The following AQP7 variants were observed in gnomAD, a reference collection of about 807,000 sequenced individuals.
AQP7 encodes aquaporin-7.
A neutral mutation model predicts 26.1 loss-of-function variants in AQP7; 22 were observed. That is an observed-to-expected ratio of 0.84 (90% CI 0.60 to 1.20). The LOEUF is 1.20. Ranked by LOEUF, AQP7 falls within the 50% of genes most tolerant of loss-of-function variation. The probability of loss-of-function intolerance (pLI) is 0.00; values close to 1 mark genes in which losing one functional copy is unlikely to be tolerated. For missense variants in AQP7, 412 were observed against 457.5 expected (o/e 0.90, Z 0.91); for synonymous variants, 167 against 181.7 (o/e 0.92, Z 0.65).
At chr9:33,387,871 C>T (rs1362828063) in intron 3 of AQP7, among the ~76,000 whole-genome samples, 6 of 152,106 alleles carry the variant, frequency 3.9e-5, no homozygotes, top group African/African-American at 7.2e-5. Flanking sequence ...CAAACTGTCC[C>T]ACCCCTGCCC....
rs116294914 is a variant in AQP7, at chr9:33,385,711, C to T, written c.681G>A (p.Pro227=). ...AGATGCGGGGGGGCAGGTCCCGGGA[C>T]GGGTTGATGGCATATCCTGTGTTCA... The part of the protein sequence containing the change: ...LGMNTGYAIN[P]SRDLPPRIFT... The change falls in exon 7 of 8, where the codon CCG becomes CCA. Residue 227 remains proline (P), a synonymous_variant. Transcript: ENST00000297988. 1.8e-5 allele frequency: 29 copies of T among 1,613,952 alleles called. No individual in the cohort carries two copies. Among genetic ancestry groups the T allele is most frequent in the East Asian group, 4.5e-5 (2 of 44,882 alleles).
chr9:33,385,281 C>G lies in AQP7; in HGVS notation c.753G>C (p.Glu251Asp). 6.2e-7 allele frequency: 1 copy of G among 1,609,624 alleles called. No homozygotes were observed. Among genetic ancestry groups the G allele is most frequent in the Non-Finnish European group, 8.5e-7 (1 of 1,178,562 alleles). ...GWGKQVFSNG[E>D]NWWWVPVVAP... The stretch of plus-strand genomic sequence containing the variant: ...CCACCACTGGCACCCACCACCAGTT[C>G]TCCCCATTGCTGCAGGCAAGAGGCA... Residue 251 changes from glutamate (E) to aspartate (D), a missense_variant, in exon 8 of 8, where the codon GAG becomes GAC. Glu to Asp is a conservative substitution (Grantham distance 45). Coordinates refer to ENST00000297988, the MANE Select transcript of AQP7 (RefSeq NM_001170.3).
chr9:33,390,850 G>A (rs1305805752), intron 3 of AQP7, among the ~76,000 whole-genome samples: 2 of 152,206 alleles, frequency 1.3e-5, no homozygotes, highest in Non-Finnish European at 2.9e-5. Flanking sequence ...GGTGGCTCAC[G>A]CCTGTAATCC....
chr9:33,390,179 T>C (rs1299664566), intron 3 of AQP7, among the ~76,000 whole-genome samples: 1 of 152,140 alleles, frequency 6.6e-6, no homozygotes, highest in Non-Finnish European at 1.5e-5. Context: ...TCATTTTGTG[T>C]TGTTTTCAGT....
chr9:33,391,986 G>A (rs1332999967), intron 3 of AQP7, among the ~76,000 whole-genome samples: 1 of 152,162 alleles, frequency 6.6e-6, no homozygotes, highest in African/African-American at 2.4e-5. Context: ...CAATATTTAA[G>A]CTAAGGGACA....
At chr9:33,398,895 T>C (rs1191602257) in intron 2 of AQP7, among the ~76,000 whole-genome samples, 13 of 151,966 alleles carry the variant, frequency 8.6e-5, no homozygotes, top group African/African-American at 1.4e-4. Flanking sequence ...CCAACCAGAT[T>C]CCCTAAGTAA....
At position 33,386,262 on chromosome 9, in the gene AQP7, G is replaced by C. The variant is rs1206465005; in HGVS notation, c.407-67C>G. The C allele has an allele frequency of 2.5e-6, 4 of 1,608,300 alleles. No individual in the cohort carries two copies. In the African/African-American group the frequency reaches 5.3e-5, roughly 21 times the overall value. On this transcript the variant is annotated intron_variant, in intron 5 of 7. Coordinates refer to ENST00000297988, the MANE Select transcript of AQP7 (RefSeq NM_001170.3). ...AGCCCCACCGGGGTCCCAGAAATGA[G>C]GTTATAGGTTAGAGGGTGGGGGATC...
chr9:33,384,859 C>T lies in AQP7; in HGVS notation c.*146G>A, dbSNP rs1400765729. On this transcript the variant is annotated 3_prime_UTR_variant, in exon 8 of 8. Transcript: ENST00000297988. ...AAAGACTTGAGGTGCCTCACCTCTACACCTTGGGCTAAGACATAGCCCTGG... is the reference window on the plus strand; with the variant it reads ...AAAGACTTGAGGTGCCTCACCTCTATACCTTGGGCTAAGACATAGCCCTGG... The T allele has an allele frequency of 6.2e-6, 6 of 974,806 alleles. No individual in the cohort carries two copies. Among genetic ancestry groups the T allele is most frequent in the Non-Finnish European group, 9.2e-6 (6 of 652,358 alleles). The allele number at this position is 974,806 out of a possible 1,614,324, so 60.4% of individuals were successfully genotyped here.
rs374964943 is a variant in AQP7 at position 33,401,242 on chromosome 9, G to C, written c.21C>G (p.His7Gln). Residue 7 changes from histidine to glutamine, a missense_variant, in exon 2 of 8, where the codon CAC becomes CAG. His to Gln is a conservative substitution (Grantham distance 24). Coordinates refer to ENST00000297988, the MANE Select transcript of AQP7 (RefSeq NM_001170.3). MVQASG[H>Q]RRSTRGSKMV... ...GAAGAGGGTGGGGTACTTACCGCCT[G>C]TGCCCGGATGCTTGAACCATGTTTT... 2.3e-5 allele frequency: 36 copies of C among 1,549,404 alleles called. No individual in the cohort carries two copies. The highest frequency in any genetic ancestry group is 2.3e-4 in the Middle Eastern group (1 of 4,360).
chr9:33,385,411 C>G (rs1278788225), intron 7 of AQP7, 121 bp from the exon 8 acceptor site: 8 of 1,219,000 alleles, frequency 6.6e-6, no homozygotes, highest in Non-Finnish European at 9.2e-6. Context: ...GGAAACACCC[C>G]CAACCCAGGG....
At position 33,385,296 on chromosome 9, in the gene AQP7, G is replaced by A; in HGVS notation, c.744-6C>T. On this transcript the variant is annotated splice_region_variant and splice_polypyrimidine_tract_variant and intron_variant, in intron 7 of 7. Coordinates refer to ENST00000297988, the MANE Select transcript of AQP7 (RefSeq NM_001170.3). ...ACCACCAGTTCTCCCCATTGCTGCAGGCAAGAGGCAGAGGCCTGCTGAGGG... is the reference window on the plus strand; with the variant it reads ...ACCACCAGTTCTCCCCATTGCTGCAAGCAAGAGGCAGAGGCCTGCTGAGGG... The A allele has an allele frequency of 6.2e-7, 1 of 1,606,864 alleles. No individual in the cohort carries two copies. Among genetic ancestry groups the A allele is most frequent in the Non-Finnish European group, 8.5e-7 (1 of 1,176,990 alleles).
chr9:33,388,536 C>T (rs1825085029), intron 3 of AQP7, among the ~76,000 whole-genome samples: 1 of 152,164 alleles, frequency 6.6e-6, no homozygotes, highest in Admixed American at 6.5e-5. Flanking sequence ...TTCATATCTG[C>T]CCCAATACTC....
In AQP7 at chr9:33,385,711, C is replaced by G. The variant is rs116294914; in HGVS notation, c.681G>C (p.Pro227=). ...LGMNTGYAIN[P]SRDLPPRIFT... ...AGATGCGGGGGGGCAGGTCCCGGGACGGGTTGATGGCATATCCTGTGTTCA... is the reference window on the plus strand; with the variant it reads ...AGATGCGGGGGGGCAGGTCCCGGGAGGGGTTGATGGCATATCCTGTGTTCA... The change falls in exon 7 of 8, where the codon CCG becomes CCC. Residue 227 remains proline, a synonymous_variant. Transcript: ENST00000297988. 1.2e-5 allele frequency: 20 copies of G among 1,613,834 alleles called. No individual in the cohort carries two copies. Among genetic ancestry groups the G allele is most frequent in the Non-Finnish European group, 1.6e-5 (19 of 1,180,040 alleles).
At chr9:33,391,773 G>A (rs76353236) in intron 3 of AQP7, among the ~76,000 whole-genome samples, 1 of 152,204 alleles carries the variant, frequency 6.6e-6, no homozygotes, top group African/African-American at 2.4e-5. Flanking sequence ...ACAACACAAT[G>A]TCCGATATAG....
chr9:33,385,966 G>A (rs73645274), intron 6 of AQP7, 100 bp from the exon 7 acceptor site: 59 of 1,562,400 alleles, frequency 3.8e-5, no homozygotes, highest in Non-Finnish European at 4.4e-5. Flanking sequence ...GACACGTCTC[G>A]GTACAGTCTC....
At chr9:33,385,351 A>T in intron 7 of AQP7, 61 bp from the exon 8 acceptor site, 1 of 1,546,476 alleles carries the variant, frequency 6.5e-7, no homozygotes, top group Non-Finnish European at 8.7e-7. Flanking sequence ...ACCCTCATCC[A>T]CCTCGGGCCA....
chr9:33,388,126 A>G (rs978180980), intron 3 of AQP7, among the ~76,000 whole-genome samples: 10 of 152,270 alleles, frequency 6.6e-5, no homozygotes, highest in East Asian at 3.9e-4. Context: ...CTGATGCGCT[A>G]AAATTCCCGT....
chr9:33,386,865 G>C, intron 4 of AQP7, 104 bp downstream of exon 4: 1 of 1,529,168 alleles, frequency 6.5e-7, no homozygotes, highest in Non-Finnish European at 8.9e-7. Flanking sequence ...TGGCCAGGCT[G>C]AGGCACTGGC....
chr9:33,399,009 C>T (rs1288992960), intron 2 of AQP7, among the ~76,000 whole-genome samples: 13 of 142,620 alleles, frequency 9.1e-5, no homozygotes, highest in African/African-American at 2.9e-4. Context: ...CTCACTCTGT[C>T]GCCCAGGCTG....
Sources: allele counts gnomAD v4.1 joint callset (sites outside exome capture counted in the v4.1 genomes callset), GRCh38; gene constraint gnomAD v4.1.1; transcripts MANE v1.5; gene names NCBI Gene and HGNC (gene_info 2026-07-23, HGNC 2026-07-21).